Variants in PPP1R16B observed in about 807,000 individuals in gnomAD.
The protein encoded by PPP1R16B is protein phosphatase 1 regulatory inhibitor subunit 16B.
In PPP1R16B, 14 loss-of-function variants were observed where a neutral mutation model predicts 61.7. The ratio of observed to expected loss-of-function variants is 0.23; its 90% CI spans 0.15 to 0.35. The LOEUF (loss-of-function observed/expected upper bound fraction) is 0.35, where lower values mean the gene tolerates loss of function less well. PPP1R16B is among the 10% of genes least tolerant of loss of function. The pLI is 1.00. For synonymous variants in PPP1R16B, 266 were observed against 305.3 expected, an observed-to-expected ratio of 0.87 and a Z score of 1.34; for missense variants, 547 against 752.5, an observed-to-expected ratio of 0.73 and a Z score of 3.19.
intron 10 of PPP1R16B, among the ~76,000 whole-genome samples, chr20:38,911,465 C>T (rs916038889): frequency 2.6e-5 from 4 of 151,826 alleles, no homozygotes; most frequent in African/African-American, 4.8e-5. Context: ...CACGCCTGGC[C>T]GCCTCATTCT....
chr20:38,854,740 G>A (rs560678661), intron 2 of PPP1R16B, among the ~76,000 whole-genome samples: 6 of 152,250 alleles, frequency 3.9e-5, no homozygotes, highest in South Asian at 2.1e-4. Context: ...GTGGGTCACC[G>A]TGCAGATTCA....
chr20:38,919,407 C>T lies in PPP1R16B; in HGVS notation c.*741C>T, dbSNP rs1224242847. The T allele has an allele frequency of 6.6e-6, 1 of 152,222 alleles. No individual in the cohort carries two copies. Among genetic ancestry groups the T allele is most frequent in the Non-Finnish European group, 1.5e-5 (1 of 68,092 alleles). The allele number at this position is 152,222 out of a possible 1,614,324, so 9.4% of individuals were successfully genotyped here. A position where few individuals can be genotyped will look rare whatever the true frequency, so the allele number is the denominator to read the frequency against. ...ACCATCCAGGGGTGGAGGGGGAAAA[C>T]CAGGCAATTTCGTTCCTGGAATCAA... is the stretch of plus-strand genomic sequence containing the variant. On this transcript the variant is annotated 3_prime_UTR_variant, in exon 11 of 11. Transcript: ENST00000299824.
intron 7 of PPP1R16B, among the ~76,000 whole-genome samples, chr20:38,906,444 C>A (rs1172714546): frequency 1.3e-5 from 2 of 151,820 alleles, no homozygotes; most frequent in Non-Finnish European, 2.9e-5. Context: ...CAGGCATGTG[C>A]CACCATGCCC....
At chr20:38,854,653 G>C (rs573451343) in intron 2 of PPP1R16B, among the ~76,000 whole-genome samples, 1 of 152,232 alleles carries the variant, frequency 6.6e-6, no homozygotes, top group East Asian at 1.9e-4. Flanking sequence ...TGTGACCTTG[G>C]GCAAGTAACT....
At position 38,806,434 on chromosome 20, in the gene PPP1R16B, G is replaced by A. The variant is rs1002116271; in HGVS notation, c.-102+642G>A. On this transcript the variant is annotated intron_variant, in intron 1 of 10. Transcript: ENST00000299824. The surrounding 1 kb of genome is among the most constrained non-coding windows in gnomAD (Gnocchi z 4.5). Reference sequence around the variant, plus strand: ...GTAGTTCCCCGGGAGGGGCGCGCCCGGCCTCTCCCAGGGCCCCGTGCGCCG... The same window carrying A: ...GTAGTTCCCCGGGAGGGGCGCGCCCAGCCTCTCCCAGGGCCCCGTGCGCCG... 1.1e-4 allele frequency among the ~76,000 whole-genome samples: 17 copies of A among 152,138 alleles called. No individual in the cohort carries two copies. The highest frequency in any genetic ancestry group is 4.1e-4 in the African/African-American group (17 of 41,452).
chr20:38,897,062 C>G (rs2085355402), intron 4 of PPP1R16B, among the ~76,000 whole-genome samples: 1 of 152,230 alleles, frequency 6.6e-6, no homozygotes, highest in South Asian at 2.1e-4. Flanking sequence ...AGGAGAATCG[C>G]TTGAACCCAG....
At chr20:38,915,206 C>A (rs978777316) in intron 10 of PPP1R16B, among the ~76,000 whole-genome samples, 1 of 152,068 alleles carries the variant, frequency 6.6e-6, no homozygotes, top group Non-Finnish European at 1.5e-5. Context: ...TGTCGTAACT[C>A]CTGTGGGTTT....
chr20:38,896,429 A>G (rs1601299271), intron 4 of PPP1R16B, among the ~76,000 whole-genome samples: 1 of 135,210 alleles, frequency 7.4e-6, no homozygotes, highest in African/African-American at 2.8e-5. Flanking sequence ...TCTACCTCTC[A>G]CCCTCTCCTC....
intron 1 of PPP1R16B, among the ~76,000 whole-genome samples, chr20:38,813,247 G>A (rs559124416): frequency 2.1e-4 from 32 of 152,378 alleles, no homozygotes; most frequent in African/African-American, 7.5e-4. Context: ...CAGCCAGAAT[G>A]TCAGCTAGAA....
chr20:38,912,534 G>A (rs939770510), intron 10 of PPP1R16B, among the ~76,000 whole-genome samples: 2 of 151,652 alleles, frequency 1.3e-5, no homozygotes, highest in Non-Finnish European at 2.9e-5. Flanking sequence ...CAATTAGGTG[G>A]GTGTGATGGT....
At chr20:38,862,823 C>T (rs1327297102) in intron 2 of PPP1R16B, among the ~76,000 whole-genome samples, 1 of 152,202 alleles carries the variant, frequency 6.6e-6, no homozygotes, top group East Asian at 1.9e-4. Context: ...CTCCAGATTC[C>T]ATCAGTTATG....
intron 2 of PPP1R16B, among the ~76,000 whole-genome samples, chr20:38,863,260 C>T (rs1433172060): frequency 6.6e-6 from 1 of 152,140 alleles, no homozygotes; most frequent in Non-Finnish European, 1.5e-5. Context: ...TCAGATAACC[C>T]TGGTCTGACC....
At position 38,806,745 on chromosome 20, in the gene PPP1R16B, G is replaced by A. The variant is rs2145698452; in HGVS notation, c.-102+953G>A. 6.6e-6 allele frequency among the ~76,000 whole-genome samples: 1 copy of A among 152,282 alleles called. No homozygotes were observed. The highest frequency in any genetic ancestry group is 1.9e-4 in the East Asian group (1 of 5,154). ...CCCCGGCCCGGCCTCCAGCTTCACT[G>A]GAGATGCTGATGATGCAGCTCCCAG... On this transcript the variant is annotated intron_variant, in intron 1 of 10. Coordinates refer to ENST00000299824, the MANE Select transcript of PPP1R16B (RefSeq NM_015568.4). The surrounding 1 kb of genome is among the most constrained non-coding windows in gnomAD (Gnocchi z 4.5).
At chr20:38,880,078 G>A (rs368517902) in intron 2 of PPP1R16B, among the ~76,000 whole-genome samples, 2 of 152,200 alleles carry the variant, frequency 1.3e-5, no homozygotes, top group East Asian at 1.9e-4. Flanking sequence ...TCACTTCTGC[G>A]GTCATCAGAA....
chr20:38,808,721 C>T (rs1345017794), intron 1 of PPP1R16B, among the ~76,000 whole-genome samples: 3 of 152,060 alleles, frequency 2.0e-5, no homozygotes, highest in Non-Finnish European at 4.4e-5. Context: ...TTCCATGAGA[C>T]CATTAACACA....
chr20:38,813,412 A>AT (rs2084713979), intron 1 of PPP1R16B, among the ~76,000 whole-genome samples: 1 of 152,162 alleles, frequency 6.6e-6, no homozygotes, highest in Non-Finnish European at 1.5e-5. Context: ...GAAAGTCTGT[A>AT]TTTTCTCAAA....
At chr20:38,842,266 G>T (rs957341838) in intron 2 of PPP1R16B, among the ~76,000 whole-genome samples, 3 of 152,168 alleles carry the variant, frequency 2.0e-5, no homozygotes, top group Non-Finnish European at 2.9e-5. Context: ...GTTTGTTTTG[G>T]CCTTAGGCAT....
intron 3 of PPP1R16B, among the ~76,000 whole-genome samples, chr20:38,890,364 A>T (rs79501799): frequency 0.02 from 3,055 of 152,340 alleles, 35 homozygotes; most frequent in Middle Eastern, 0.075. Flanking sequence ...AGGCTGCACG[A>T]GGCTGGGCTC....
At chr20:38,876,364 T>C (rs979186709) in intron 2 of PPP1R16B, among the ~76,000 whole-genome samples, 27 of 152,206 alleles carry the variant, frequency 1.8e-4, no homozygotes, top group Admixed American at 8.5e-4. Flanking sequence ...TTCGGCTGTG[T>C]GGCCATATGG....
Sources: allele counts gnomAD v4.1 joint callset (sites outside exome capture counted in the v4.1 genomes callset), GRCh38; gene constraint gnomAD v4.1.1; non-coding constraint Gnocchi (gnomAD v3.1); transcripts MANE v1.5; gene names NCBI Gene and HGNC (gene_info 2026-07-23, HGNC 2026-07-21).